PKD1L1: variants seen among roughly 807,000 people sequenced by gnomAD.
The protein encoded by PKD1L1 is polycystin-1-like protein 1.
In PKD1L1, 236 loss-of-function variants were observed where a neutral mutation model predicts 323.4. The ratio of observed to expected loss-of-function variants is 0.73; its 90% CI spans 0.66 to 0.81. The LOEUF is 0.81. Ranked by LOEUF, PKD1L1 falls within the 40% of genes least tolerant of loss-of-function variation. The pLI is 0.00. For missense variants in PKD1L1, 3,320 were observed against 3,508.0 expected (o/e 0.95, Z 1.35); for synonymous variants, 1,344 against 1,335.0 (o/e 1.01, Z -0.15).
intron 56 of PKD1L1, among the ~76,000 whole-genome samples, chr7:47,783,832 G>A (rs1786749541): frequency 6.6e-6 from 1 of 152,146 alleles, no homozygotes; most frequent in Non-Finnish European, 1.5e-5. Flanking sequence ...GGCAGCCCTA[G>A]CAAACTAATG....
intron 54 of PKD1L1, among the ~76,000 whole-genome samples, chr7:47,797,682 A>G (rs947701324): frequency 3.9e-5 from 6 of 152,212 alleles, no homozygotes; most frequent in Non-Finnish European, 7.3e-5. Flanking sequence ...CACTTGACCC[A>G]GAACTCCAGC....
chr7:47,908,097 T>A lies in PKD1L1; in HGVS notation c.1382A>T (p.Asp461Val), dbSNP rs758675959. ...VHEDEVLVFA[D>V]SQVNQKSTVV... Reference sequence around the variant, plus strand: ...CTTACTTTTCTGATTCACTTGGGAGTCAGCAAAGACAAGCACTTCATCTTC... The same window carrying A: ...CTTACTTTTCTGATTCACTTGGGAGACAGCAAAGACAAGCACTTCATCTTC... Residue 461 changes from aspartate to valine, a missense_variant, in exon 9 of 57, where the codon GAC becomes GTC. Physicochemically the swap from Asp to Val is radical, Grantham distance 152. Transcript: ENST00000289672. The A allele has an allele frequency of 6.2e-7, 1 of 1,613,544 alleles. No individual in the cohort carries two copies. The highest frequency in any genetic ancestry group is 1.3e-5 in the African/African-American group (1 of 74,828).
In PKD1L1 at chr7:47,888,062, T is replaced by C; in HGVS notation, c.2764A>G (p.Ser922Gly). 6.2e-7 allele frequency: 1 copy of C among 1,613,980 alleles called. No homozygotes were observed. Among genetic ancestry groups the C allele is most frequent in the Non-Finnish European group, 8.5e-7 (1 of 1,179,840 alleles). ...GAATAAGACAGATTCGGTATTTCAC[T>C]GCAGTCCTCACACATAGCTTGAAGA... ...LSLQAMCEDCSEIPNLSYSWD... is the reference protein window; with the variant it reads ...LSLQAMCEDCGEIPNLSYSWD... The change falls in exon 17 of 57, where the codon AGT becomes GGT. Residue 922 changes from serine (S) to glycine (G), a missense_variant. Physicochemically the swap from Ser to Gly is moderately conservative, Grantham distance 56. Transcript: ENST00000289672.
At chr7:47,937,308 G>A (rs1030118253) in intron 3 of PKD1L1, among the ~76,000 whole-genome samples, 1 of 151,184 alleles carries the variant, frequency 6.6e-6, no homozygotes, top group Non-Finnish European at 1.5e-5. Flanking sequence ...AGAGAAGGCC[G>A]CTGTGTGTGA....
At chr7:47,837,183 G>A in intron 36 of PKD1L1, 89 bp from the exon 37 acceptor site, 2 of 1,434,806 alleles carry the variant, frequency 1.4e-6, no homozygotes, top group Admixed American at 3.8e-5. Context: ...CTTCTGAGCA[G>A]AGACCACGAG....
At chr7:47,842,779 T>G (rs1343456147) in intron 34 of PKD1L1, among the ~76,000 whole-genome samples, 183 bp downstream of exon 34, 1 of 152,178 alleles carries the variant, frequency 6.6e-6, no homozygotes, top group Admixed American at 6.5e-5. Context: ...GGGTCTGCTC[T>G]TCACCCTGAC....
rs1348095627 is a variant in PKD1L1, at chr7:47,854,979, A to T, written c.4762T>A (p.Phe1588Ile). The change falls in exon 30 of 57, where the codon TTC becomes ATC. Residue 1588 changes from phenylalanine (F) to isoleucine (I), a missense_variant. By Grantham distance (21) the Phe-to-Ile change is conservative. Transcript: ENST00000289672. ...TGGGGGTTTTCGGAAAGCTCAGTGA[A>T]CTGATGGAGATTCACTTTATCCCGA... is the stretch of plus-strand genomic sequence containing the variant. The part of the protein sequence containing the change: ...LLRDKVNLHQ[F>I]TELSENPQES... 6.8e-6 allele frequency: 11 copies of T among 1,614,146 alleles called. No individual in the cohort carries two copies. The highest frequency in any genetic ancestry group is 7.6e-6 in the Non-Finnish European group (9 of 1,180,026).
chr7:47,860,324 T>A (rs1785997918), intron 26 of PKD1L1, among the ~76,000 whole-genome samples: 1 of 152,214 alleles, frequency 6.6e-6, no homozygotes, highest in Non-Finnish European at 1.5e-5. Context: ...CTAAGCATAT[T>A]TATTGAAATG....
chr7:47,779,072 T>C (rs998778495), intron 56 of PKD1L1, among the ~76,000 whole-genome samples: 1 of 152,252 alleles, frequency 6.6e-6, no homozygotes, highest in East Asian at 1.9e-4. Flanking sequence ...TTATCTGCTC[T>C]GAAAAATGCC....
chr7:47,880,263 TACATATATATATATATATA>T (rs1786513648), intron 21 of PKD1L1, among the ~76,000 whole-genome samples: 19 of 88,312 alleles, frequency 2.2e-4, no homozygotes, highest in East Asian at 1.2e-3. Flanking sequence ...TATATATATA[TACATATATATATATATATA>T]TATTTTTTTT....
chr7:47,886,099 T>TA (rs1181695048), intron 17 of PKD1L1, 45 bp from the exon 18 acceptor site: 3 of 1,554,288 alleles, frequency 1.9e-6, no homozygotes, highest in Non-Finnish European at 2.6e-6. Context: ...AGCAAAAATA[T>TA]AAAATATTTG....
chr7:47,861,267 T>G (rs1786016695), intron 26 of PKD1L1, among the ~76,000 whole-genome samples: 1 of 152,228 alleles, frequency 6.6e-6, no homozygotes, highest in Non-Finnish European at 1.5e-5. Context: ...GGAAGACAGA[T>G]GCACAAAAAG....
rs1784902463 is a variant in PKD1L1 at position 47,811,800 on chromosome 7, G to A, written c.7581+17C>T. The A allele has an allele frequency of 1.3e-6, 2 of 1,580,152 alleles. No homozygotes were observed. The highest frequency in any genetic ancestry group is 2.7e-5 in the African/African-American group (2 of 74,150). ...TCCTGTGCACCTCCAGGAGGCCCAA[G>A]AGGCAGGTCAGCTCACCTGGGGAAG... On this transcript the variant is annotated intron_variant, in intron 50 of 56. Transcript: ENST00000289672.
chr7:47,808,238 A>C lies in PKD1L1; in HGVS notation c.7827+9T>G, dbSNP rs1784821555. On this transcript the variant is annotated intron_variant, in intron 52 of 56. Transcript: ENST00000289672. ...CCTCTATCTGCATGGCCCTGAGCAC[A>C]CCGTGTACCTGATTCCATGATGCCA... 6.2e-7 allele frequency: 1 copy of C among 1,613,976 alleles called. No individual in the cohort carries two copies. The highest frequency in any genetic ancestry group is 1.3e-5 in the African/African-American group (1 of 74,908).
chr7:47,896,941 A>G (rs913844097), intron 14 of PKD1L1, among the ~76,000 whole-genome samples: 2 of 152,114 alleles, frequency 1.3e-5, no homozygotes, highest in African/African-American at 2.4e-5. Flanking sequence ...CTCGTTCCCA[A>G]TCAACATTTC....
At position 47,792,146 on chromosome 7, in the gene PKD1L1, C is replaced by T. The variant is rs181128896; in HGVS notation, c.8526+481G>A. 1.8e-3 allele frequency among the ~76,000 whole-genome samples: 273 copies of T among 152,280 alleles called. 2 individuals carry two copies. The highest frequency in any genetic ancestry group is 6.4e-3 in the African/African-American group (265 of 41,552). ...ACTCTTTAGTGCTCTATAATCTATTCGTCCAAACCAGGGGCCTTTGTTGGC... is the reference window on the plus strand; with the variant it reads ...ACTCTTTAGTGCTCTATAATCTATTTGTCCAAACCAGGGGCCTTTGTTGGC... On this transcript the variant is annotated intron_variant, in intron 56 of 56. Coordinates refer to ENST00000289672, the MANE Select transcript of PKD1L1 (RefSeq NM_138295.5).
chr7:47,785,444 C>T (rs1311318238), intron 56 of PKD1L1, among the ~76,000 whole-genome samples: 18 of 152,120 alleles, frequency 1.2e-4, no homozygotes, highest in Admixed American at 1.2e-3. Context: ...TGTTAATAGT[C>T]TCTATTAAAG....
At chr7:47,823,752 C>T (rs1785191710) in intron 45 of PKD1L1, among the ~76,000 whole-genome samples, 1 of 152,176 alleles carries the variant, frequency 6.6e-6, no homozygotes, top group Admixed American at 6.5e-5. Flanking sequence ...TTACCTGGTC[C>T]CCATTCATTA....
At position 47,888,141 on chromosome 7, in the gene PKD1L1, G is replaced by T. The variant is rs1786724926; in HGVS notation, c.2685C>A (p.His895Gln). The T allele has an allele frequency of 6.2e-7, 1 of 1,612,384 alleles. No individual in the cohort carries two copies. Among genetic ancestry groups the T allele is most frequent in the Non-Finnish European group, 8.5e-7 (1 of 1,179,228 alleles). The change falls in exon 17 of 57, where the codon CAC becomes CAA. Residue 895 changes from histidine (H) to glutamine (Q), a missense_variant. Physicochemically the swap from His to Gln is conservative, Grantham distance 24. Coordinates refer to ENST00000289672, the MANE Select transcript of PKD1L1 (RefSeq NM_138295.5). ...PYPDSAFRFV[H>Q]ISWVSFKDTF... Reference sequence around the variant, plus strand: ...TGTCTTTAAAGCTGACCCAGGAGATGTGGACGAATCTGAAATATATAAATT... The same window carrying T: ...TGTCTTTAAAGCTGACCCAGGAGATTTGGACGAATCTGAAATATATAAATT...
Sources: allele counts gnomAD v4.1 joint callset (sites outside exome capture counted in the v4.1 genomes callset), GRCh38; gene constraint gnomAD v4.1.1; transcripts MANE v1.5; gene names NCBI Gene and HGNC (gene_info 2026-07-23, HGNC 2026-07-21).